CLXN: variants seen among roughly 807,000 people sequenced by gnomAD.
CLXN encodes EF-hand calcium binding domain 1.
the CLXN span, chr8:48,731,387 C>A: frequency 6.2e-7 from 1 of 1,612,974 alleles, no homozygotes; most frequent in Non-Finnish European, 8.5e-7. Flanking sequence ...CCAAATGTCA[C>A]ATGCAGGATG....
chr8:48,734,877 A>G, the CLXN span, among the ~76,000 whole-genome samples: 1 of 152,176 alleles, frequency 6.6e-6, no homozygotes. Flanking sequence ...AGGTAGCACC[A>G]GAGGCGGAGG....
At chr8:48,721,892 G>T in the CLXN span, among the ~76,000 whole-genome samples, 1 of 152,284 alleles carries the variant, frequency 6.6e-6, no homozygotes, top group African/African-American at 2.4e-5. Flanking sequence ...TCTAGGCAAT[G>T]ATTTTTGGAT....
chr8:48,712,570 G>A, the CLXN span: 1 of 152,292 alleles, frequency 6.6e-6, no homozygotes, highest in African/African-American at 2.4e-5. Flanking sequence ...AGCCACAAAT[G>A]ACCAATGGTG....
At chr8:48,733,932 ATTC>A in the CLXN span, among the ~76,000 whole-genome samples, 1 of 152,226 alleles carries the variant, frequency 6.6e-6, no homozygotes, top group African/African-American at 2.4e-5. Context: ...AAGAATACCT[ATTC>A]TCCCAGAAAT....
chr8:48,711,960 A>G, the CLXN span: 1 of 152,258 alleles, frequency 6.6e-6, no homozygotes, highest in Non-Finnish European at 1.5e-5. Context: ...TATCTGGAAC[A>G]AAAGCGCTCA....
chr8:48,713,203 C>A, the CLXN span, among the ~76,000 whole-genome samples: 10 of 152,140 alleles, frequency 6.6e-5, no homozygotes, highest in African/African-American at 1.9e-4. Context: ...AGATCTATTA[C>A]TTCTGCCTCT....
the CLXN span, among the ~76,000 whole-genome samples, chr8:48,727,293 A>G: frequency 6.6e-6 from 1 of 152,006 alleles, no homozygotes; most frequent in Non-Finnish European, 1.5e-5. Flanking sequence ...TGCTACACAC[A>G]GGGTATGGGG....
chr8:48,710,975 A>C, the CLXN span: 1 of 152,146 alleles, frequency 6.6e-6, no homozygotes, highest in South Asian at 2.1e-4. Context: ...ACCTATAATC[A>C]CTTTTCACTT....
the CLXN span, chr8:48,735,032 C>T: frequency 1.9e-6 from 3 of 1,581,422 alleles, no homozygotes; most frequent in Non-Finnish European, 2.6e-6. Flanking sequence ...GACCTTAGCA[C>T]GGGGTGGGAC....
the CLXN span, chr8:48,714,983 G>A: frequency 6.6e-6 from 1 of 152,158 alleles, no homozygotes. Context: ...GCCATTACAA[G>A]TCAAGCTACA....
chr8:48,723,861 GAA>G, the CLXN span: 1 of 152,682 alleles, frequency 6.5e-6, no homozygotes, highest in Non-Finnish European at 1.5e-5. Flanking sequence ...CAGGATGGAG[GAA>G]CACTGGGTGC....
chr8:48,729,162 A>G, the CLXN span: 4 of 1,585,814 alleles, frequency 2.5e-6, no homozygotes, highest in African/African-American at 5.4e-5. Flanking sequence ...GGAATGAGAA[A>G]CATGTTAGGC....
the CLXN span, chr8:48,728,894 A>G: frequency 5.7e-6 from 3 of 529,148 alleles, no homozygotes; most frequent in Middle Eastern, 4.5e-4. Flanking sequence ...GAAATGAATC[A>G]GCAGGTTATT....
At chr8:48,722,401 A>T in the CLXN span, among the ~76,000 whole-genome samples, 1 of 152,242 alleles carries the variant, frequency 6.6e-6, no homozygotes, top group Non-Finnish European at 1.5e-5. Context: ...TGGGACTACC[A>T]TTTGATCCAG....
chr8:48,718,554 G>T, the CLXN span, among the ~76,000 whole-genome samples: 1 of 151,968 alleles, frequency 6.6e-6, no homozygotes, highest in Non-Finnish European at 1.5e-5. Context: ...TCACATGTTA[G>T]GTAACAAAAC....
chr8:48,717,865 A>G, the CLXN span, among the ~76,000 whole-genome samples: 1 of 152,336 alleles, frequency 6.6e-6, no homozygotes, highest in East Asian at 1.9e-4. Flanking sequence ...CAAAACCCCT[A>G]TAATTGATAT....
the CLXN span, among the ~76,000 whole-genome samples, chr8:48,713,170 G>C: frequency 7.2e-5 from 11 of 152,158 alleles, no homozygotes; most frequent in African/African-American, 2.4e-4. Context: ...GACAGAGAGG[G>C]CAGTCACTCC....
At chr8:48,714,324 A>C in the CLXN span, among the ~76,000 whole-genome samples, 1 of 152,210 alleles carries the variant, frequency 6.6e-6, no homozygotes, top group African/African-American at 2.4e-5. Flanking sequence ...GAATCCATCA[A>C]TCTAGATATT....
chr8:48,723,856 TGGAG>T, the CLXN span: 1 of 152,590 alleles, frequency 6.6e-6, no homozygotes, highest in African/African-American at 2.4e-5. Flanking sequence ...GGAGTCAGGA[TGGAG>T]GAACACTGGG....
Sources: allele counts gnomAD v4.1 joint callset (sites outside exome capture counted in the v4.1 genomes callset), GRCh38; gene constraint gnomAD v4.1.1; transcripts MANE v1.5; gene names NCBI Gene and HGNC (gene_info 2026-07-23, HGNC 2026-07-21).